The following ESF1 variants were observed in gnomAD, a reference collection of about 807,000 sequenced individuals.
ESF1 encodes the protein ESF1 homolog.
A neutral mutation model predicts 92.0 loss-of-function variants in ESF1; 58 were observed. The ratio of observed to expected loss-of-function variants is 0.63; its 90% CI spans 0.51 to 0.78. The LOEUF is 0.78. Ranked by LOEUF, ESF1 falls within the 30% of genes least tolerant of loss-of-function variation. The pLI, the probability that ESF1 is intolerant of heterozygous loss-of-function variation, is 0.00. For synonymous variants in ESF1, 321 were observed against 313.7 expected, an observed-to-expected ratio of 1.02 and a Z score of -0.24; for missense variants, 922 against 989.1, an observed-to-expected ratio of 0.93 and a Z score of 0.91.
At chr20:13,763,406 CA>C (rs5840574) in intron 8 of ESF1, among the ~76,000 whole-genome samples, 148,381 of 152,322 alleles carry the variant, frequency 0.97, 72,383 homozygotes, top group East Asian at 1. Flanking sequence ...ACCCTAATGC[CA>C]AAAAATGTCA....
At chr20:13,737,950 T>C (rs1180877667) in intron 9 of ESF1, among the ~76,000 whole-genome samples, 1 of 152,130 alleles carries the variant, frequency 6.6e-6, no homozygotes, top group Admixed American at 6.6e-5. Context: ...GCCACCACAC[T>C]TGGCCGAACA....
At chr20:13,748,551 T>C (rs1331372853) in intron 9 of ESF1, among the ~76,000 whole-genome samples, 3 of 41,746 alleles carry the variant, frequency 7.2e-5, no homozygotes, top group African/African-American at 3.1e-4. Flanking sequence ...TGTGTGTGTA[T>C]ATATATATAT....
chr20:13,722,889 T>C (rs914363993), intron 11 of ESF1, among the ~76,000 whole-genome samples: 1 of 151,936 alleles, frequency 6.6e-6, no homozygotes, highest in Non-Finnish European at 1.5e-5. Context: ...CTACATCTCC[T>C]GGGACTGCTG....
intron 7 of ESF1, among the ~76,000 whole-genome samples, chr20:13,769,617 C>T (rs1227536257): frequency 6.6e-6 from 1 of 152,120 alleles, no homozygotes; most frequent in Non-Finnish European, 1.5e-5. Flanking sequence ...GAAACACTGT[C>T]CCTAGTAAAA....
chr20:13,771,567 A>G (rs1979686259), intron 5 of ESF1, 84 bp from the exon 6 acceptor site: 1 of 1,151,672 alleles, frequency 8.7e-7, no homozygotes, highest in Non-Finnish European at 1.2e-6. Context: ...TCTTTCAAGA[A>G]AAACATATTA....
At chr20:13,763,973 G>A (rs1164340009) in intron 8 of ESF1, among the ~76,000 whole-genome samples, 1 of 152,126 alleles carries the variant, frequency 6.6e-6, no homozygotes, top group Non-Finnish European at 1.5e-5. Flanking sequence ...GTGTCTTCAG[G>A]AGTCTAAAAG....
chr20:13,750,095 C>G (rs1252834666), intron 9 of ESF1, among the ~76,000 whole-genome samples: 1 of 152,212 alleles, frequency 6.6e-6, no homozygotes, highest in Admixed American at 6.5e-5. Context: ...CTACAACAGT[C>G]TAACTGAAAA....
chr20:13,741,273 C>G (rs1008105251), intron 9 of ESF1, among the ~76,000 whole-genome samples: 1 of 152,184 alleles, frequency 6.6e-6, no homozygotes. Context: ...CTAACTGAAA[C>G]CTGGCTCTCC....
rs541645453 is a variant in ESF1 at position 13,763,663 on chromosome 20, A to T, written c.1666+3114T>A. Among the ~76,000 whole-genome samples, 14 of 152,344 alleles carry T rather than the reference A, an allele frequency of 9.2e-5. No individual in the cohort carries two copies. In the South Asian group the frequency reaches 2.5e-3, roughly 27 times the overall value. On this transcript the variant is annotated intron_variant, in intron 8 of 13. Transcript: ENST00000617257. ...AGGGGAAAAGACACAGATAGAGGAA[A>T]ATTGAAAAAAGGACTCAGCTGTTCT...
chr20:13,754,464 T>C (rs1351577878), intron 9 of ESF1, among the ~76,000 whole-genome samples: 1 of 152,202 alleles, frequency 6.6e-6, no homozygotes, highest in East Asian at 1.9e-4. Flanking sequence ...ATTTATACAA[T>C]GAAGATTCTC....
chr20:13,733,246 G>T (rs1359980011), intron 10 of ESF1, among the ~76,000 whole-genome samples: 1 of 152,050 alleles, frequency 6.6e-6, no homozygotes, highest in Non-Finnish European at 1.5e-5. Context: ...CTTGATAAAG[G>T]AATTTAATGA....
rs1174928309 is a variant in ESF1 at position 13,737,279 on chromosome 20, C to T, written c.1829-3437G>A. 4.6e-5 allele frequency among the ~76,000 whole-genome samples: 7 copies of T among 152,294 alleles called. No homozygotes were observed. In the South Asian group the frequency reaches 1.4e-3, roughly 32 times the overall value. Reference sequence around the variant, plus strand: ...CAGCCAACCACAAACATAGATGACTCAATTATGACAATAATAATTTAAGCA... The same window carrying T: ...CAGCCAACCACAAACATAGATGACTTAATTATGACAATAATAATTTAAGCA... On this transcript the variant is annotated intron_variant, in intron 9 of 13. Transcript: ENST00000617257.
At chr20:13,725,090 C>T (rs1362674965) in intron 11 of ESF1, among the ~76,000 whole-genome samples, 4 of 152,134 alleles carry the variant, frequency 2.6e-5, no homozygotes, top group East Asian at 1.9e-4. Flanking sequence ...TTGAATCAAC[C>T]GCCTTAGGCA....
chr20:13,762,288 C>T lies in ESF1; in HGVS notation c.1667-2435G>A, dbSNP rs1979233983. ...CACACTTTTATTTTCATTCAAACAG[C>T]TGAAATTCATTTTTTTCCTGTTTGT... On this transcript the variant is annotated intron_variant, in intron 8 of 13. Coordinates refer to ENST00000617257, the MANE Select transcript of ESF1 (RefSeq NM_001276380.2). Among the ~76,000 whole-genome samples the T allele has an allele frequency of 2.0e-5, 3 of 152,250 alleles. No homozygotes were observed. The East Asian group carries it at 5.8e-4, about 29-fold the overall frequency.
At chr20:13,776,546 A>G (rs1294107939) in intron 2 of ESF1, among the ~76,000 whole-genome samples, 2 of 152,200 alleles carry the variant, frequency 1.3e-5, no homozygotes, top group Non-Finnish European at 2.9e-5. Context: ...ACATTCATTC[A>G]ATACTTAACA....
rs771160335 is a variant in ESF1 at position 13,782,933 on chromosome 20, G to A, written c.208C>T (p.Arg70Cys). The A allele has an allele frequency of 1.2e-6, 2 of 1,613,872 alleles. No homozygotes were observed. The highest frequency in any genetic ancestry group is 1.3e-5 in the African/African-American group (1 of 74,862). ...TCAGAATCTGAAAGGTCGTAAAAACGCTTCAAATCCTCTGTAGTGCTATGG... is the reference window on the plus strand; with the variant it reads ...TCAGAATCTGAAAGGTCGTAAAAACACTTCAAATCCTCTGTAGTGCTATGG... ...ISHSTTEDLKRFYDLSDSDSN... is the reference protein window; with the variant it reads ...ISHSTTEDLKCFYDLSDSDSN... Residue 70 changes from arginine to cysteine, a missense_variant, in exon 2 of 14, where the codon CGT (arginine) becomes TGT (cysteine). By Grantham distance (180) the Arg-to-Cys change is radical. Coordinates refer to ENST00000617257, the MANE Select transcript of ESF1 (RefSeq NM_001276380.2).
chr20:13,748,568 G>GTA (rs1568718402), intron 9 of ESF1, among the ~76,000 whole-genome samples: 5 of 14,180 alleles, frequency 3.5e-4, no homozygotes, highest in African/African-American at 1.4e-3. Context: ...ATATATATGT[G>GTA]TGTGTGTATA....
chr20:13,769,818 T>C, intron 7 of ESF1, 89 bp downstream of exon 7: 1 of 880,510 alleles, frequency 1.1e-6, no homozygotes, highest in Non-Finnish European at 1.8e-6. Context: ...ATTAATACTT[T>C]CCATTTTTAA....
chr20:13,759,250 T>C (rs941209664), intron 9 of ESF1, among the ~76,000 whole-genome samples: 1 of 152,256 alleles, frequency 6.6e-6, no homozygotes, highest in African/African-American at 2.4e-5. Context: ...TACTATGCTA[T>C]ATTTCTTTGA....
Sources: gnomAD v4.1 joint callset for allele counts (sites outside exome capture counted in the v4.1 genomes callset) on GRCh38, gnomAD v4.1.1 for gene constraint, MANE v1.5 for transcripts, NCBI Gene and HGNC (gene_info 2026-07-23, HGNC 2026-07-21) for gene names.